The following PLCB1 variants were observed in gnomAD, a reference collection of about 807,000 sequenced individuals.
The protein encoded by PLCB1 is phospholipase C beta 1.
PLCB1 carries 46 observed loss-of-function variants against 161.8 expected under a neutral mutation model. The ratio of observed to expected loss-of-function variants is 0.28; its 90% CI spans 0.22 to 0.36. PLCB1 has a LOEUF of 0.36. Among genes scored for constraint, PLCB1 ranks in the 10% least tolerant of loss-of-function variants. PLCB1 has a pLI of 1.00. For synonymous variants in PLCB1, 517 were observed against 503.7 expected (o/e 1.03, Z -0.35); for missense variants, 1,016 against 1,472.5 (o/e 0.69, Z 5.07).
chr20:8,740,649 A>G (rs944025680), intron 22 of PLCB1, among the ~76,000 whole-genome samples: 1 of 152,192 alleles, frequency 6.6e-6, no homozygotes, highest in African/African-American at 2.4e-5. Flanking sequence ...ACGTATTTTA[A>G]TTAAAATCAC....
intron 2 of PLCB1, among the ~76,000 whole-genome samples, chr20:8,263,772 TAAAAG>T (rs1222353295): frequency 6.6e-6 from 1 of 152,096 alleles, no homozygotes; most frequent in African/African-American, 2.4e-5. Flanking sequence ...ATATAAAAGA[TAAAAG>T]AACAATGGAC....
intron 31 of PLCB1, among the ~76,000 whole-genome samples, chr20:8,798,573 TACAC>T (rs10565621): frequency 0.82 from 123,522 of 151,132 alleles, 53,423 homozygotes; most frequent in Non-Finnish European, 0.95. Flanking sequence ...CATACACACA[TACAC>T]ACACACACAC....
At chr20:8,430,970 G>A (rs1048743473) in intron 3 of PLCB1, among the ~76,000 whole-genome samples, 1 of 151,834 alleles carries the variant, frequency 6.6e-6, no homozygotes, top group Non-Finnish European at 1.5e-5. Context: ...AAAAAAAGAA[G>A]AAAAAGGAGA....
chr20:8,455,432 C>CTCTTTT (rs1365729968), intron 3 of PLCB1, among the ~76,000 whole-genome samples: 49 of 74,206 alleles, frequency 6.6e-4, no homozygotes, highest in African/African-American at 3.1e-3. Context: ...TATTCTTCCT[C>CTCTTTT]TTTTTTTTTT....
chr20:8,336,572 A>C (rs901861046), intron 2 of PLCB1, among the ~76,000 whole-genome samples: 7 of 152,082 alleles, frequency 4.6e-5, no homozygotes, highest in Non-Finnish European at 1.0e-4. Context: ...CTGATTCAGG[A>C]GGTCTGGGCT....
chr20:8,593,760 G>T (rs1001939078), intron 3 of PLCB1, among the ~76,000 whole-genome samples: 1 of 151,844 alleles, frequency 6.6e-6, no homozygotes, highest in African/African-American at 2.4e-5. Flanking sequence ...TTATATACCA[G>T]GAATTTTATG....
At chr20:8,354,721 G>T (rs1986304647) in intron 2 of PLCB1, among the ~76,000 whole-genome samples, 1 of 152,114 alleles carries the variant, frequency 6.6e-6, no homozygotes, top group African/African-American at 2.4e-5. Flanking sequence ...TAGAAGCCAG[G>T]CATTGAACTC....
chr20:8,667,059 A>G (rs1041220071), intron 9 of PLCB1, among the ~76,000 whole-genome samples: 5 of 152,202 alleles, frequency 3.3e-5, no homozygotes, highest in Non-Finnish European at 7.3e-5. Flanking sequence ...GTCATTTTAT[A>G]TAGATTACCT....
In PLCB1 at chr20:8,715,302, A is replaced by G. The variant is rs150107398; in HGVS notation, c.1251-962A>G. On this transcript the variant is annotated intron_variant, in intron 12 of 31. Coordinates refer to ENST00000338037, the MANE Select transcript of PLCB1 (RefSeq NM_015192.4). ...ATTGAAACAATATGAATGTTCCCCT[A>G]TATCAGCTGTGTTTACAAGTTACTG... Among the ~76,000 whole-genome samples the G allele has an allele frequency of 5.6e-3, 853 of 152,326 alleles. 12 individuals carry two copies. The highest frequency in any genetic ancestry group is 0.019 in the African/African-American group (810 of 41,584).
chr20:8,487,540 T>TACA (rs1982780550), intron 3 of PLCB1, among the ~76,000 whole-genome samples: 1 of 152,220 alleles, frequency 6.6e-6, no homozygotes, highest in Non-Finnish European at 1.5e-5. Flanking sequence ...ATCATGGAGT[T>TACA]TTGTAGTGGC....
chr20:8,673,003 T>G (rs544512921), intron 9 of PLCB1, among the ~76,000 whole-genome samples: 2 of 152,016 alleles, frequency 1.3e-5, no homozygotes, highest in Non-Finnish European at 2.9e-5. Context: ...TCCCAGCTAC[T>G]CAGGAGGCTG....
At chr20:8,136,010 A>G (rs562580725) in intron 1 of PLCB1, among the ~76,000 whole-genome samples, 4 of 152,300 alleles carry the variant, frequency 2.6e-5, no homozygotes, top group African/African-American at 9.6e-5. Context: ...CAAGGACTGT[A>G]AACTGTACAA....
At chr20:8,740,029 A>AAAAGAAGTC (rs1980789698) in intron 21 of PLCB1, among the ~76,000 whole-genome samples, 1 of 152,170 alleles carries the variant, frequency 6.6e-6, no homozygotes, top group Admixed American at 6.6e-5. Context: ...ATTTTTTAAA[A>AAAAGAAGTC]AAAGAAGTCA....
intron 2 of PLCB1, among the ~76,000 whole-genome samples, chr20:8,161,506 C>G (rs987149189): frequency 6.6e-6 from 1 of 152,280 alleles, no homozygotes; most frequent in South Asian, 2.1e-4. Context: ...CAGTCTGGCT[C>G]TATGTTCTGG....
intron 3 of PLCB1, among the ~76,000 whole-genome samples, chr20:8,398,545 T>A (rs761207662): frequency 6.6e-6 from 1 of 152,112 alleles, no homozygotes. Flanking sequence ...TCTCATTGAG[T>A]CCTCACATAG....
intron 2 of PLCB1, among the ~76,000 whole-genome samples, chr20:8,357,116 T>C (rs1358686605): frequency 6.6e-6 from 1 of 152,182 alleles, no homozygotes; most frequent in East Asian, 1.9e-4. Flanking sequence ...AATTATTTAT[T>C]AAGAAAAATT....
intron 2 of PLCB1, among the ~76,000 whole-genome samples, chr20:8,300,138 G>C (rs572515424): frequency 6.6e-6 from 1 of 152,186 alleles, no homozygotes; most frequent in South Asian, 2.1e-4. Context: ...GGATGACTCA[G>C]TTCTGCTCCA....
At chr20:8,578,531 G>A (rs7265652) in intron 3 of PLCB1, among the ~76,000 whole-genome samples, 11,433 of 152,264 alleles carry the variant, frequency 0.075, 872 homozygotes, top group East Asian at 0.29. Context: ...TTTGCAAGAA[G>A]AGTAAACATA....
At position 8,412,234 on chromosome 20, in the gene PLCB1, A is replaced by G. The variant is rs528615818; in HGVS notation, c.246+40784A>G. ...TGCATTTATTTTATTGTTCAGGTAC[A>G]TATATGCTGGTGAGTTATGCTGTGT... is the stretch of plus-strand genomic sequence containing the variant. On this transcript the variant is annotated intron_variant, in intron 3 of 31. Transcript: ENST00000338037. 1.4e-4 allele frequency among the ~76,000 whole-genome samples: 21 copies of G among 152,244 alleles called. No homozygotes were observed. In the South Asian group the frequency reaches 1.7e-3, roughly 12 times the overall value.
Sources: gnomAD v4.1 joint callset for allele counts (sites outside exome capture counted in the v4.1 genomes callset) on GRCh38, gnomAD v4.1.1 for gene constraint, MANE v1.5 for transcripts, NCBI Gene and HGNC (gene_info 2026-07-23, HGNC 2026-07-21) for gene names.